Variants in ITPR2 observed in about 807,000 individuals in gnomAD.
The protein encoded by ITPR2 is inositol 1,4,5-trisphosphate receptor type 2, also known as inositol 1,4,5-trisphosphate-gated calcium channel ITPR2.
In ITPR2, 207 loss-of-function variants were observed where a neutral mutation model predicts 317.1. The ratio of observed to expected loss-of-function variants is 0.65; its 90% CI spans 0.58 to 0.73. The LOEUF (loss-of-function observed/expected upper bound fraction) is 0.73. ITPR2 is among the 30% of genes least tolerant of loss of function. The pLI, the probability that ITPR2 is intolerant of heterozygous loss-of-function variation, is 0.00. For synonymous variants in ITPR2, 1,156 were observed against 1,149.1 expected, an observed-to-expected ratio of 1.01 and a Z score of -0.12; for missense variants, 2,613 against 3,284.0, an observed-to-expected ratio of 0.80 and a Z score of 4.99.
chr12:26,761,875 T>C (rs1166017657), intron 2 of ITPR2, among the ~76,000 whole-genome samples: 1 of 152,030 alleles, frequency 6.6e-6, no homozygotes, highest in Non-Finnish European at 1.5e-5. Context: ...TACACAAAAT[T>C]AGAAGTTCAA....
chr12:26,485,347 T>G (rs2136845593), intron 41 of ITPR2, among the ~76,000 whole-genome samples: 1 of 152,310 alleles, frequency 6.6e-6, no homozygotes, highest in African/African-American at 2.4e-5. Flanking sequence ...CTCCTACCAG[T>G]AAACTGTTCA....
intron 2 of ITPR2, among the ~76,000 whole-genome samples, chr12:26,761,796 C>T (rs946208538): frequency 6.6e-6 from 1 of 152,090 alleles, no homozygotes; most frequent in Non-Finnish European, 1.5e-5. Flanking sequence ...GATCCTGTCT[C>T]TAAAAAAGAA....
chr12:26,698,570 T>A (rs576115876), intron 9 of ITPR2, among the ~76,000 whole-genome samples: 14 of 152,214 alleles, frequency 9.2e-5, no homozygotes, highest in African/African-American at 3.1e-4. Flanking sequence ...GGAGTATGGA[T>A]GGAAAGCATT....
chr12:26,663,709 C>T lies in ITPR2; in HGVS notation c.1689G>A (p.Ser563=), dbSNP rs539458742. 51 of 1,611,784 alleles carry T rather than the reference C, an allele frequency of 3.2e-5. No homozygotes were observed. The South Asian group carries it at 5.1e-4, about 16-fold the overall frequency. ...LRLCYRVLRH[S]QQDYRKNQEY... ...CCTGATTTTTCCGGTAATCCTGCTG[C>T]GAGTGTCTCAGGACGCGGTAACAGA... The change falls in exon 15 of 57, where the codon TCG becomes TCA. Residue 563 remains serine (S), a synonymous_variant. Transcript: ENST00000381340.
Position 26,602,325 on chromosome 12 carries a change from G to C in ITPR2, c.3678+45C>G, listed in dbSNP as rs1946019869. ...GGAACTTTGCAAAACATTTGAAATT[G>C]TATCAAAATAAAAAGCTAAAGAACA... On this transcript the variant is annotated intron_variant, in intron 28 of 56. Coordinates refer to ENST00000381340, the MANE Select transcript of ITPR2 (RefSeq NM_002223.4). 3 of 1,560,568 alleles carry C rather than the reference G, an allele frequency of 1.9e-6. No individual in the cohort carries two copies. The South Asian group carries it at 3.6e-5, about 19-fold the overall frequency.
chr12:26,720,261 G>A (rs1195061513), intron 5 of ITPR2, among the ~76,000 whole-genome samples: 2 of 152,268 alleles, frequency 1.3e-5, no homozygotes, highest in Non-Finnish European at 1.5e-5. Context: ...TTGGGTAACA[G>A]AACATCTTGT....
chr12:26,683,374 T>C (rs1026630667), intron 11 of ITPR2, among the ~76,000 whole-genome samples: 1 of 152,158 alleles, frequency 6.6e-6, no homozygotes, highest in African/African-American at 2.4e-5. Flanking sequence ...TTGTGGCCCA[T>C]TTAGTGCCAT....
intron 32 of ITPR2, among the ~76,000 whole-genome samples, chr12:26,592,791 G>A (rs1945739516): frequency 2.0e-5 from 3 of 152,138 alleles, no homozygotes; most frequent in African/African-American, 7.2e-5. Context: ...TCTGGATTTG[G>A]TTTATCTCAT....
At chr12:26,497,427 T>C (rs1355153775) in intron 37 of ITPR2, among the ~76,000 whole-genome samples, 1 of 152,244 alleles carries the variant, frequency 6.6e-6, no homozygotes, top group Non-Finnish European at 1.5e-5. Context: ...GTGCTGGGAT[T>C]ACAGGCATGA....
intron 5 of ITPR2, among the ~76,000 whole-genome samples, chr12:26,719,021 A>G (rs1347189448): frequency 2.0e-5 from 3 of 152,178 alleles, no homozygotes; most frequent in Non-Finnish European, 4.4e-5. Context: ...ATCTAACATT[A>G]ATTCAGTAAT....
At chr12:26,604,939 T>G (rs1386155455) in intron 26 of ITPR2, among the ~76,000 whole-genome samples, 4 of 151,542 alleles carry the variant, frequency 2.6e-5, no homozygotes, top group Admixed American at 2.6e-4. Context: ...AATACAAAAA[T>G]TAGCTGGATG....
chr12:26,399,609 C>T (rs1473917330), intron 53 of ITPR2, among the ~76,000 whole-genome samples: 3 of 152,100 alleles, frequency 2.0e-5, no homozygotes, highest in African/African-American at 4.8e-5. Flanking sequence ...TACAACTGGC[C>T]GGAGCAGAGC....
intron 49 of ITPR2, among the ~76,000 whole-genome samples, chr12:26,421,078 A>T (rs1003595754): frequency 6.6e-6 from 1 of 152,166 alleles, no homozygotes; most frequent in African/African-American, 2.4e-5. Flanking sequence ...TGAAATCATA[A>T]AAATTACGCA....
At chr12:26,691,995 C>T (rs771184936) in intron 10 of ITPR2, among the ~76,000 whole-genome samples, 1 of 152,028 alleles carries the variant, frequency 6.6e-6, no homozygotes, top group South Asian at 2.1e-4. Flanking sequence ...TCTGATAGAA[C>T]CTTTGTTTCT....
At chr12:26,470,842 A>T (rs1942276649) in intron 45 of ITPR2, among the ~76,000 whole-genome samples, 4 of 152,250 alleles carry the variant, frequency 2.6e-5, no homozygotes, top group Admixed American at 2.6e-4. Context: ...TGTGGCAGAC[A>T]AAGATTAATG....
At chr12:26,554,038 T>C (rs1245196824) in intron 36 of ITPR2, among the ~76,000 whole-genome samples, 5 of 152,196 alleles carry the variant, frequency 3.3e-5, no homozygotes, top group Admixed American at 2.0e-4. Context: ...GTATTCCTAT[T>C]ATCACATCAC....
At chr12:26,708,720 C>T (rs758142725) in intron 9 of ITPR2, among the ~76,000 whole-genome samples, 7 of 152,014 alleles carry the variant, frequency 4.6e-5, no homozygotes, top group Non-Finnish European at 7.4e-5. Flanking sequence ...CAGTTAACAA[C>T]AATTTATTGT....
At position 26,398,927 on chromosome 12, in the gene ITPR2, T is replaced by C; in HGVS notation, c.7645A>G (p.Ser2549Gly). Residue 2549 changes from serine to glycine, a missense_variant, in exon 54 of 57, where the codon AGC becomes GGC. Ser to Gly is a moderately conservative substitution (Grantham distance 56). This residue lies in a region of ITPR2 where 28 missense variants were observed against 76.0 expected (regional missense o/e 0.37). Coordinates refer to ENST00000381340, the MANE Select transcript of ITPR2 (RefSeq NM_002223.4). Reference sequence around the variant, plus strand: ...ATTTCTTCTTTTTTCTGTTTTTCGCTTCTGAGATCAGCAAAAGTATCGATG... The same window carrying C: ...ATTTCTTCTTTTTTCTGTTTTTCGCCTCTGAGATCAGCAAAAGTATCGATG... ...VIIDTFADLR[S>G]EKQKKEEILK... The C allele has an allele frequency of 3.1e-6, 5 of 1,611,902 alleles. No homozygotes were observed. Among genetic ancestry groups the C allele is most frequent in the Non-Finnish European group, 4.2e-6 (5 of 1,179,484 alleles).
At chr12:26,611,288 C>T (rs1946260369) in intron 26 of ITPR2, among the ~76,000 whole-genome samples, 1 of 152,132 alleles carries the variant, frequency 6.6e-6, no homozygotes, top group African/African-American at 2.4e-5. Flanking sequence ...CAGAGTGAGC[C>T]CCTAGGGACA....
Sources: allele counts gnomAD v4.1 joint callset (sites outside exome capture counted in the v4.1 genomes callset), GRCh38; gene constraint gnomAD v4.1.1; regional missense constraint gnomAD v4.1.1; transcripts MANE v1.5; gene names NCBI Gene and HGNC (gene_info 2026-07-23, HGNC 2026-07-21).